Variants in FATE1 observed in about 807,000 individuals in gnomAD.
FATE1 encodes the protein fetal and adult testis-expressed transcript protein.
In FATE1, 18 loss-of-function variants were observed where a neutral mutation model predicts 16.0. The observed-to-expected ratio is 1.12, with a 90% CI of 0.78 to 1.66. FATE1 has a LOEUF of 1.66. FATE1 is among the 40% of genes most tolerant of loss of function. FATE1 has a pLI of 0.00. For synonymous variants in FATE1, 76 were observed against 56.9 expected, an observed-to-expected ratio of 1.34 and a Z score of -1.51; for missense variants, 169 against 152.7, an observed-to-expected ratio of 1.11 and a Z score of -0.56.
rs139813476 is a variant in FATE1, at chrX:151,721,927, G to A, written c.366G>A (p.Ala122=). 30 of 1,208,847 alleles carry A rather than the reference G, an allele frequency of 2.5e-5. No homozygotes were observed. Among genetic ancestry groups the A allele is most frequent in the East Asian group, 1.5e-4 (5 of 33,734 alleles). Residue 122 remains alanine (A), a synonymous_variant, in exon 4 of 5, where the codon GCG becomes GCA. Coordinates refer to ENST00000370350, the MANE Select transcript of FATE1 (RefSeq NM_033085.3). ...YDRNPGTDAV[A]QTSLEEFNVL... ...GCAACCCAGGGACAGATGCAGTGGC[G>A]CAGACTAGCCTGGAAGAGTTCAATG... is the stretch of plus-strand genomic sequence containing the variant.
Position 151,717,319 on chromosome X carries a change from C to T in FATE1, c.154C>T (p.Gln52Ter), listed in dbSNP as rs1203176224. Residue 52 changes from glutamine (Q) to a stop codon, truncating the protein, a stop_gained, in exon 2 of 5, where the codon CAG (glutamine) becomes TAG (stop). Transcript: ENST00000370350. LOFTEE classifies it high-confidence loss of function. ...GTCCCGGGGTGCCTCCCAGAAGAAG[C>T]AGAAGTTGGAACAAAAAGCTGCTGG... ...SRSRGASQKKQKLEQKAAGSA... is the reference protein window; with the variant it reads ...SRSRGASQKK 1 of 1,208,565 alleles carries T rather than the reference C, an allele frequency of 8.3e-7. No individual in the cohort carries two copies. Among genetic ancestry groups the T allele is most frequent in the Non-Finnish European group, 1.1e-6 (1 of 893,567 alleles).
intron 1 of FATE1, 112 bp downstream of exon 1, chrX:151,716,337 A>G (rs1393283875): frequency 5.7e-5 from 36 of 629,424 alleles, no homozygotes; most frequent in Non-Finnish European, 6.9e-5. Context: ...GTGTTTGCAC[A>G]TCTGTGTGTT....
chrX:151,721,441 G>A lies in FATE1; in HGVS notation c.281G>A (p.Gly94Glu). 2 of 1,212,349 alleles carry A rather than the reference G, an allele frequency of 1.6e-6. No individual in the cohort carries two copies. Among genetic ancestry groups the A allele is most frequent in the East Asian group, 5.9e-5 (2 of 33,839 alleles). ...AGAATGCTGAGAGAATCAGGCCATG[G>A]GGATGCCCATCTCCAGGAGTACGCT... ...KPRMLRESGH[G>E]DAHLQEYAGN... Residue 94 changes from glycine to glutamate, a missense_variant, in exon 3 of 5, where the codon GGG (glycine) becomes GAG (glutamate). Gly to Glu is a moderately conservative substitution (Grantham distance 98). Transcript: ENST00000370350.
At chrX:151,717,420 C>A in intron 2 of FATE1, 21 bp downstream of exon 2, 1 of 1,188,141 alleles carries the variant, frequency 8.4e-7, no homozygotes, top group South Asian at 1.8e-5. Context: ...GGGTCCTCAG[C>A]ACTTGGTGGC....
At position 151,722,817 on chromosome X, in the gene FATE1, C is replaced by G; in HGVS notation, c.*58C>G. 1 of 1,158,394 alleles carries G rather than the reference C, an allele frequency of 8.6e-7. No individual in the cohort carries two copies. Among genetic ancestry groups the G allele is most frequent in the South Asian group, 2.0e-5 (1 of 49,866 alleles). ...CCCTGCTTCCCCTTCTTTCTTTCCT[C>G]TTTCCCCAGGCCGCCACTGCCCTTG... is the stretch of plus-strand genomic sequence containing the variant. On this transcript the variant is annotated 3_prime_UTR_variant, in exon 5 of 5. Transcript: ENST00000370350.
At chrX:151,716,278 T>C (rs1813142516) in intron 1 of FATE1, 53 bp downstream of exon 1, 4 of 992,976 alleles carry the variant, frequency 4.0e-6, no homozygotes, top group Non-Finnish European at 5.5e-6. Context: ...TAGATACGTG[T>C]CTATACCTGT....
chrX:151,719,535 A>G (rs757387589), intron 2 of FATE1, among the ~76,000 whole-genome samples: 133 of 112,312 alleles, frequency 1.2e-3, no homozygotes, highest in African/African-American at 3.1e-3. Context: ...TAGGAAAATC[A>G]AGCAATGGTC....
At chrX:151,721,254 G>A (rs1458624393) in intron 2 of FATE1, 141 bp from the exon 3 acceptor site, 7 of 509,374 alleles carry the variant, frequency 1.4e-5, no homozygotes, top group East Asian at 3.6e-5. Flanking sequence ...CTTTCCTAGC[G>A]GCCTGAAGCT....
chrX:151,720,756 T>A (rs187565704), intron 2 of FATE1, among the ~76,000 whole-genome samples: 1 of 112,184 alleles, frequency 8.9e-6, no homozygotes, highest in East Asian at 2.8e-4. Context: ...AACCTAGAAC[T>A]ATGATTTGAG....
chrX:151,718,116 GGAAGGA>G (rs2015078926), intron 2 of FATE1, among the ~76,000 whole-genome samples: 7 of 33,744 alleles, frequency 2.1e-4, no homozygotes, highest in African/African-American at 1.3e-3. Flanking sequence ...GAGAGAGGAA[GGAAGGA>G]AGGAAGGAAG....
intron 4 of FATE1, 100 bp from the exon 5 acceptor site, chrX:151,722,528 A>G: frequency 1.7e-6 from 2 of 1,145,253 alleles, no homozygotes; most frequent in South Asian, 3.8e-5. Flanking sequence ...AAGGGCAATC[A>G]AGCCCCTTCT....
chrX:151,722,487 C>A, intron 4 of FATE1, 141 bp from the exon 5 acceptor site: 3 of 904,355 alleles, frequency 3.3e-6, no homozygotes, highest in South Asian at 4.6e-5. Flanking sequence ...CCTCCTGCTT[C>A]TCACTAGGGG....
chrX:151,720,314 T>A (rs1228365357), intron 2 of FATE1, among the ~76,000 whole-genome samples: 1 of 111,934 alleles, frequency 8.9e-6, no homozygotes, highest in African/African-American at 3.3e-5. Flanking sequence ...AGTTCCTCCA[T>A]GGACACTTCC....
chrX:151,718,249 A>G (rs953894415), intron 2 of FATE1, among the ~76,000 whole-genome samples: 15 of 111,294 alleles, frequency 1.3e-4, no homozygotes, highest in African/African-American at 4.6e-4. Flanking sequence ...GAGAGAAAGA[A>G]AGAAAGAAAG....
At chrX:151,719,404 T>C (rs2015095554) in intron 2 of FATE1, among the ~76,000 whole-genome samples, 1 of 112,000 alleles carries the variant, frequency 8.9e-6, no homozygotes, top group South Asian at 3.7e-4. Context: ...TGGGACTTGG[T>C]GGGTTAACAA....
chrX:151,716,322 C>T (rs1006557216), intron 1 of FATE1, 97 bp downstream of exon 1: 30 of 740,825 alleles, frequency 4.0e-5, no homozygotes, highest in Non-Finnish European at 5.6e-5. Context: ...CATGTGTGCA[C>T]GGAAGTGTTT....
At chrX:151,718,184 G>T (rs2015081848) in intron 2 of FATE1, among the ~76,000 whole-genome samples, 1 of 98,991 alleles carries the variant, frequency 1.0e-5, no homozygotes, top group Non-Finnish European at 2.0e-5. Flanking sequence ...GGAAAAGAAA[G>T]GAAAAGGAAA....
At chrX:151,720,145 T>C (rs1436915193) in intron 2 of FATE1, among the ~76,000 whole-genome samples, 1 of 111,758 alleles carries the variant, frequency 8.9e-6, no homozygotes, top group Non-Finnish European at 1.9e-5. Flanking sequence ...GACTGCTTCC[T>C]ACATAGATCA....
At chrX:151,720,803 C>T (rs2015108789) in intron 2 of FATE1, among the ~76,000 whole-genome samples, 1 of 112,128 alleles carries the variant, frequency 8.9e-6, no homozygotes, top group Admixed American at 9.4e-5. Context: ...ACGCTCTTTT[C>T]CTCTATCCCC....
Sources: allele counts gnomAD v4.1 joint callset (sites outside exome capture counted in the v4.1 genomes callset), GRCh38; gene constraint gnomAD v4.1.1; transcripts MANE v1.5; gene names NCBI Gene and HGNC (gene_info 2026-07-23, HGNC 2026-07-21).